The following ASB7 variants were observed in gnomAD, a reference collection of about 807,000 sequenced individuals.
ASB7 encodes the protein ankyrin repeat and SOCS box protein 7.
Under a neutral mutation model 32.5 loss-of-function variants are expected in ASB7, and 4 were observed. The ratio of observed to expected loss-of-function variants is 0.12; its 90% CI spans 0.06 to 0.28. The LOEUF (loss-of-function observed/expected upper bound fraction) is 0.28. Ranked by LOEUF, ASB7 falls within the 10% of genes least tolerant of loss-of-function variation. ASB7 has a pLI of 1.00. For missense variants in ASB7, 181 were observed against 407.1 expected, an observed-to-expected ratio of 0.44 and a Z score of 4.78; for synonymous variants, 172 against 155.6, an observed-to-expected ratio of 1.11 and a Z score of -0.78.
intron 5 of ASB7, among the ~76,000 whole-genome samples, chr15:100,643,477 CTTTTTTTTT>C (rs1172063471): frequency 9.6e-6 from 1 of 104,380 alleles, no homozygotes; most frequent in East Asian, 2.9e-4. Flanking sequence ...GTCCCTTCTT[CTTTTTTTTT>C]TTTTTTTTTT....
At chr15:100,647,839 A>G (rs1253502899) in intron 5 of ASB7, among the ~76,000 whole-genome samples, 2 of 152,080 alleles carry the variant, frequency 1.3e-5, no homozygotes, top group East Asian at 3.8e-4. Flanking sequence ...CCAGAGCTGA[A>G]AGGGAGGCTC....
chr15:100,610,420 G>C (rs1334855434), intron 3 of ASB7, among the ~76,000 whole-genome samples: 1 of 151,970 alleles, frequency 6.6e-6, no homozygotes, highest in East Asian at 1.9e-4. Context: ...GTGTGAACCC[G>C]GGAGGTGGAG....
chr15:100,603,194 C>G, intron 1 of ASB7, 21 bp from the exon 2 acceptor site: 2 of 389,726 alleles, frequency 5.1e-6, no homozygotes, highest in Non-Finnish European at 9.0e-6. Context: ...CTACACCACT[C>G]ACTGGTTTCT....
chr15:100,647,096 A>G (rs919396400), intron 5 of ASB7, among the ~76,000 whole-genome samples: 5 of 152,158 alleles, frequency 3.3e-5, no homozygotes, highest in Admixed American at 3.3e-4. Flanking sequence ...TTAACATGTA[A>G]TGGTTTATTA....
intron 5 of ASB7, among the ~76,000 whole-genome samples, chr15:100,637,926 A>G (rs1475652093): frequency 2.0e-5 from 3 of 150,500 alleles, no homozygotes; most frequent in Non-Finnish European, 4.4e-5. Context: ...CTGTTCTCGC[A>G]AAAATCCTTT....
At chr15:100,608,019 C>T (rs1342732968) in intron 2 of ASB7, among the ~76,000 whole-genome samples, 1 of 152,170 alleles carries the variant, frequency 6.6e-6, no homozygotes, top group Non-Finnish European at 1.5e-5. Flanking sequence ...CACAAGGATT[C>T]TTCAGGCTTG....
chr15:100,604,682 C>T (rs113318331), intron 2 of ASB7, among the ~76,000 whole-genome samples: 170 of 152,270 alleles, frequency 1.1e-3, no homozygotes, highest in African/African-American at 3.9e-3. Context: ...GATTTAGAAT[C>T]AGTATCTACC....
At chr15:100,643,785 G>A (rs1446592467) in intron 5 of ASB7, among the ~76,000 whole-genome samples, 1 of 151,440 alleles carries the variant, frequency 6.6e-6, no homozygotes, top group Non-Finnish European at 1.5e-5. Flanking sequence ...GATGCACCGC[G>A]CCCAGCCAGC....
intron 4 of ASB7, among the ~76,000 whole-genome samples, chr15:100,617,526 C>A (rs566797063): frequency 6.6e-5 from 10 of 152,294 alleles, no homozygotes; most frequent in African/African-American, 2.4e-4. Context: ...TCTCACTGAT[C>A]GTTTTCTCAG....
intron 4 of ASB7, among the ~76,000 whole-genome samples, chr15:100,616,556 C>G (rs1012251221): frequency 6.6e-6 from 1 of 152,144 alleles, no homozygotes; most frequent in African/African-American, 2.4e-5. Context: ...TAAAGACAGC[C>G]TAAATCATGC....
chr15:100,620,610 A>T (rs562970146), intron 4 of ASB7, among the ~76,000 whole-genome samples: 3 of 150,912 alleles, frequency 2.0e-5, no homozygotes, highest in Non-Finnish European at 2.9e-5. Flanking sequence ...TCTTTATGGG[A>T]TGCATATAAT....
intron 4 of ASB7, among the ~76,000 whole-genome samples, chr15:100,613,300 A>T (rs1416025252): frequency 2.0e-5 from 3 of 152,200 alleles, no homozygotes; most frequent in African/African-American, 7.2e-5. Context: ...TTGCATTTTG[A>T]GGTGCAGAAA....
chr15:100,610,564 C>G (rs2039687206), intron 3 of ASB7, among the ~76,000 whole-genome samples: 1 of 151,798 alleles, frequency 6.6e-6, no homozygotes, highest in South Asian at 2.1e-4. Flanking sequence ...GTAGAAGTAG[C>G]TTGATATTTT....
intron 5 of ASB7, chr15:100,646,160 G>T: frequency 4.8e-6 from 2 of 412,726 alleles, no homozygotes; most frequent in South Asian, 4.0e-5. Flanking sequence ...TCCCATAAGA[G>T]AATAGTCTGA....
chr15:100,638,596 C>T (rs552452206), intron 5 of ASB7: 1 of 152,260 alleles, frequency 6.6e-6, no homozygotes, highest in South Asian at 2.1e-4. Flanking sequence ...ATCAAAGGGG[C>T]CAGGAAGTCC....
chr15:100,619,509 A>G (rs888341303), intron 4 of ASB7, among the ~76,000 whole-genome samples: 9 of 152,372 alleles, frequency 5.9e-5, no homozygotes, highest in African/African-American at 9.6e-5. Context: ...TTTTGGCCTG[A>G]GGATCAGGAA....
rs147443871 is a variant in ASB7, at chr15:100,606,494, G to T, written c.-174+3181G>T. 3.0e-3 allele frequency among the ~76,000 whole-genome samples: 458 copies of T among 152,258 alleles called. 7 individuals carry two copies. Among genetic ancestry groups the T allele is most frequent in the Non-Finnish European group, 5.0e-3 (337 of 68,022 alleles). On this transcript the variant is annotated intron_variant, in intron 2 of 5. Coordinates refer to ENST00000332783, the MANE Select transcript of ASB7 (RefSeq NM_198243.3). ...GTGAAGGTTTTGTAACTTCGGACAGGTCTTAAGCATATTTTGTTTTATGTT... is the reference window on the plus strand; with the variant it reads ...GTGAAGGTTTTGTAACTTCGGACAGTTCTTAAGCATATTTTGTTTTATGTT...
chr15:100,633,624 A>G (rs1339282358), intron 5 of ASB7, among the ~76,000 whole-genome samples: 1 of 151,442 alleles, frequency 6.6e-6, no homozygotes, highest in South Asian at 2.1e-4. Flanking sequence ...AGGGAAAGAA[A>G]GGAAGAAAGG....
In ASB7 at chr15:100,650,534, T is replaced by C. The variant is rs1287974496; in HGVS notation, c.*2072T>C. 1 of 152,176 alleles carries C rather than the reference T, an allele frequency of 6.6e-6. No homozygotes were observed. The highest frequency in any genetic ancestry group is 1.5e-5 in the Non-Finnish European group (1 of 68,034). 9.4% of individuals were successfully genotyped at this position (152,176 alleles called of 1,614,324 possible). A position where few individuals can be genotyped will look rare whatever the true frequency, so the allele number is the denominator to read the frequency against. ...GCACAAGGGCTGATTTCCACGTATG[T>C]GTGTGTTAATTTATTCACTTAGTTT... On this transcript the variant is annotated 3_prime_UTR_variant, in exon 6 of 6. Coordinates refer to ENST00000332783, the MANE Select transcript of ASB7 (RefSeq NM_198243.3).
Sources: gnomAD v4.1 joint callset for allele counts (sites outside exome capture counted in the v4.1 genomes callset) on GRCh38, gnomAD v4.1.1 for gene constraint, MANE v1.5 for transcripts, NCBI Gene and HGNC (gene_info 2026-07-23, HGNC 2026-07-21) for gene names.